Variants in ALMS1 observed in about 807,000 individuals in gnomAD.
The protein encoded by ALMS1 is ALMS1 centrosome and basal body associated protein, also known as centrosome-associated protein ALMS1.
Under a neutral mutation model 352.2 loss-of-function variants are expected in ALMS1, and 271 were observed. The observed-to-expected ratio is 0.77, with a 90% CI of 0.70 to 0.85. The LOEUF is 0.85. Ranked by LOEUF, ALMS1 falls within the 40% of genes least tolerant of loss-of-function variation. ALMS1 has a pLI of 0.00. For missense variants in ALMS1, 5,445 were observed against 4,870.7 expected (o/e 1.12, Z -3.51); for synonymous variants, 1,865 against 1,761.2 (o/e 1.06, Z -1.48).
At chr2:73,447,339 A>G (rs1055099176) in intron 7 of ALMS1, among the ~76,000 whole-genome samples, 2 of 152,154 alleles carry the variant, frequency 1.3e-5, no homozygotes, top group Non-Finnish European at 2.9e-5. Flanking sequence ...GCCATGCTAT[A>G]CAGAATTAAG....
intron 12 of ALMS1, among the ~76,000 whole-genome samples, chr2:73,539,348 G>C (rs1300691264): frequency 2.6e-5 from 4 of 152,090 alleles, no homozygotes; most frequent in Non-Finnish European, 4.4e-5. Flanking sequence ...CAAACAGAAA[G>C]GACATCCACA....
intron 11 of ALMS1, among the ~76,000 whole-genome samples, chr2:73,526,669 G>A (rs2103975688): frequency 6.6e-6 from 1 of 151,980 alleles, no homozygotes; most frequent in East Asian, 1.9e-4. Context: ...TTTATTGATT[G>A]TGGAGGCTCT....
At chr2:73,469,580 TGAGA>T (rs1672427654) in intron 9 of ALMS1, 1 of 151,940 alleles carries the variant, frequency 6.6e-6, no homozygotes, top group Non-Finnish European at 1.5e-5. Flanking sequence ...TTAAACATTA[TGAGA>T]GAGAAAAACT....
chr2:73,424,933 C>A, intron 5 of ALMS1, 31 bp downstream of exon 5: 1 of 1,532,596 alleles, frequency 6.5e-7, no homozygotes, highest in Non-Finnish European at 8.9e-7. Context: ...TCAGATTCAT[C>A]TGACACAATT....
intron 11 of ALMS1, among the ~76,000 whole-genome samples, chr2:73,521,547 T>C (rs1472506875): frequency 2.4e-5 from 3 of 123,518 alleles, no homozygotes; most frequent in South Asian, 2.6e-4. Context: ...CCGTCCTGGC[T>C]AACACAATGA....
intron 7 of ALMS1, among the ~76,000 whole-genome samples, chr2:73,438,632 G>A (rs1475182153): frequency 3.3e-5 from 5 of 152,166 alleles, no homozygotes; most frequent in South Asian, 2.1e-4. Context: ...AAATTATGCC[G>A]TAAGAGTAGT....
chr2:73,598,403 C>G (rs964381959), intron 16 of ALMS1, among the ~76,000 whole-genome samples: 2 of 152,162 alleles, frequency 1.3e-5, no homozygotes, highest in Admixed American at 1.3e-4. Context: ...CTAAATTTTA[C>G]ATGTCATCAG....
chr2:73,593,361 A>G (rs1353211103), intron 16 of ALMS1, among the ~76,000 whole-genome samples: 1 of 151,628 alleles, frequency 6.6e-6, no homozygotes, highest in Non-Finnish European at 1.5e-5. Context: ...GTGCTCCATC[A>G]CTCCTATAGC....
At position 73,572,423 on chromosome 2, in the gene ALMS1, C is replaced by T. The variant is rs375019820; in HGVS notation, c.10546C>T (p.Gln3516Ter). 2 of 1,612,248 alleles carry T rather than the reference C, an allele frequency of 1.2e-6. No individual in the cohort carries two copies. Among genetic ancestry groups the T allele is most frequent in the African/African-American group, 2.7e-5 (2 of 74,668 alleles). ...FMRHSWKDFF[Q>*]HHPDKHREHM... ...GAGACATTCTTGGAAAGATTTCTTT[C>T]AGCATCATCCAGACAAACATAGAGA... The change falls in exon 16 of 23, where the codon CAG (glutamine) becomes TAG (stop). Residue 3516 changes from glutamine (Q) to a stop codon, truncating the protein, a stop_gained. Coordinates refer to ENST00000613296, the MANE Select transcript of ALMS1 (RefSeq NM_001378454.1). LOFTEE classifies it high-confidence loss of function.
At chr2:73,605,611 G>A (rs1345435630) in intron 21 of ALMS1, among the ~76,000 whole-genome samples, 1 of 152,216 alleles carries the variant, frequency 6.6e-6, no homozygotes, top group Non-Finnish European at 1.5e-5. Flanking sequence ...CACTTTGGGA[G>A]TCCAAGGTGG....
At chr2:73,573,446 C>G (rs1367009178) in intron 16 of ALMS1, 22 bp downstream of exon 16, 2 of 1,612,662 alleles carry the variant, frequency 1.2e-6, no homozygotes, top group Non-Finnish European at 1.7e-6. Context: ...CAGATTCCAT[C>G]TGGCAATGTG....
chr2:73,466,652 TAAAA>T (rs927925566), intron 9 of ALMS1, among the ~76,000 whole-genome samples: 2 of 151,866 alleles, frequency 1.3e-5, no homozygotes, highest in Non-Finnish European at 2.9e-5. Context: ...AATAATAAAA[TAAAA>T]AAATTCTAAG....
chr2:73,504,351 C>G (rs560762704), intron 10 of ALMS1, among the ~76,000 whole-genome samples: 2 of 152,174 alleles, frequency 1.3e-5, no homozygotes, highest in African/African-American at 4.8e-5. Context: ...AATCAAGATA[C>G]AGAAGTGCTC....
chr2:73,462,662 A>G (rs1019000212), intron 9 of ALMS1: 1 of 152,272 alleles, frequency 6.6e-6, no homozygotes, highest in Admixed American at 6.5e-5. Context: ...AAAGACTGGC[A>G]AATTGGATAA....
At chr2:73,494,119 C>A (rs1029899234) in intron 10 of ALMS1, among the ~76,000 whole-genome samples, 2 of 152,148 alleles carry the variant, frequency 1.3e-5, no homozygotes, top group African/African-American at 4.8e-5. Flanking sequence ...TAATATGACA[C>A]CTAAGCTTCC....
Position 73,602,257 on chromosome 2 carries a change from G to T in ALMS1, c.12187G>T (p.Val4063Phe). ...GCGGATAAAGCGCCTGAAGTTAATA[G>T]TCCAGGAGAGGAAGCTGCAGAGCAT... is the stretch of plus-strand genomic sequence containing the variant. ...GERIKRLKLI[V>F]QERKLQSMLQ... The change falls in exon 20 of 23, where the codon GTC (valine) becomes TTC (phenylalanine). Residue 4063 changes from valine (V) to phenylalanine (F), a missense_variant. By Grantham distance (50) the Val-to-Phe change is conservative. Transcript: ENST00000613296. 6.2e-7 allele frequency: 1 copy of T among 1,614,144 alleles called. No individual in the cohort carries two copies. Among genetic ancestry groups the T allele is most frequent in the South Asian group, 1.1e-5 (1 of 91,082 alleles).
chr2:73,435,752 G>T (rs778401560), intron 7 of ALMS1, among the ~76,000 whole-genome samples: 1 of 151,956 alleles, frequency 6.6e-6, no homozygotes, highest in Non-Finnish European at 1.5e-5. Context: ...CCACTACACT[G>T]AGCTAATTTT....
At chr2:73,530,913 G>A (rs1235501143) in intron 11 of ALMS1, among the ~76,000 whole-genome samples, 1 of 152,204 alleles carries the variant, frequency 6.6e-6, no homozygotes, top group Non-Finnish European at 1.5e-5. Context: ...GAGCAGCTGG[G>A]ACACAGGGCA....
intron 7 of ALMS1, 83 bp downstream of exon 7, chr2:73,432,374 AT>A: frequency 2.2e-6 from 2 of 917,854 alleles, no homozygotes; most frequent in Non-Finnish European, 1.7e-6. Flanking sequence ...CTAATTTTGT[AT>A]TTTTTAATAT....
Sources: allele counts gnomAD v4.1 joint callset (sites outside exome capture counted in the v4.1 genomes callset), GRCh38; gene constraint gnomAD v4.1.1; transcripts MANE v1.5; gene names NCBI Gene and HGNC (gene_info 2026-07-23, HGNC 2026-07-21).